Variants in SNRPN observed in about 807,000 individuals in gnomAD.
The protein encoded by SNRPN is small nuclear ribonucleoprotein-associated protein N.
A neutral mutation model predicts 25.2 loss-of-function variants in SNRPN; 7 were observed. The ratio of observed to expected loss-of-function variants is 0.28; its 90% CI spans 0.16 to 0.52. SNRPN has a LOEUF of 0.52. Among genes scored for constraint, SNRPN ranks in the 20% least tolerant of loss-of-function variants. The pLI, the probability that SNRPN is intolerant of heterozygous loss-of-function variation, is 0.96. For missense variants in SNRPN, 196 were observed against 322.5 expected (o/e 0.61, Z 3.00); for synonymous variants, 124 against 110.6 (o/e 1.12, Z -0.76).
At chr15:24,864,119 C>T (rs1379092459) in intron 1 of SNRPN, among the ~76,000 whole-genome samples, 8 of 148,630 alleles carry the variant, frequency 5.4e-5, no homozygotes, top group Admixed American at 4.0e-4. Context: ...CTCCGCCTCC[C>T]GGGTTCACAC....
chr15:24,917,466 C>T (rs561806516), intron 2 of SNRPN, among the ~76,000 whole-genome samples: 12 of 152,294 alleles, frequency 7.9e-5, no homozygotes, highest in Admixed American at 5.9e-4. Context: ...GGAAGAAAAA[C>T]CAAGATTACT....
intron 1 of SNRPN, among the ~76,000 whole-genome samples, chr15:24,859,628 A>G (rs2053799351): frequency 6.6e-6 from 1 of 152,180 alleles, no homozygotes; most frequent in Non-Finnish European, 1.5e-5. Context: ...CCAGACCCCA[A>G]GAGAGGGTTG....
At chr15:24,976,619 C>T (rs1301872717) in intron 6 of SNRPN, among the ~76,000 whole-genome samples, 2 of 152,114 alleles carry the variant, frequency 1.3e-5, no homozygotes, top group Non-Finnish European at 2.9e-5. Context: ...CTGGGCATTA[C>T]CTAGGTAAGG....
intron 1 of SNRPN, among the ~76,000 whole-genome samples, chr15:24,873,538 C>T (rs1012837932): frequency 2.0e-5 from 3 of 150,482 alleles, no homozygotes; most frequent in South Asian, 2.1e-4. Context: ...AGCTCCGCCT[C>T]CCCGGTTCAC....
upstream of SNRPN, chr15:24,851,863 T>G (rs953585899): frequency 6.6e-6 from 1 of 152,112 alleles, no homozygotes; most frequent in African/African-American, 2.4e-5. Flanking sequence ...CATGTCCCTT[T>G]CTCCATCACT....
At chr15:24,922,932 C>T (rs561646713) in intron 3 of SNRPN, among the ~76,000 whole-genome samples, 21 of 103,838 alleles carry the variant, frequency 2.0e-4, no homozygotes, top group African/African-American at 6.9e-4. Flanking sequence ...GACAGAGTCT[C>T]GCTCTATTGC....
In SNRPN at chr15:24,977,021, T is replaced by A; in HGVS notation, c.412T>A (p.Ser138Thr). 2 of 1,569,912 alleles carry A rather than the reference T, an allele frequency of 1.3e-6. No homozygotes were observed. Among genetic ancestry groups the A allele is most frequent in the Non-Finnish European group, 1.7e-6 (2 of 1,161,256 alleles). Residue 138 changes from serine to threonine, a missense_variant, in exon 7 of 10, where the codon TCC (serine) becomes ACC (threonine). Transcript: ENST00000390687. ...AGPVRGVGGP[S>T]QQVMTPQGRG... is the part of the protein sequence containing the mutation. The stretch of plus-strand genomic sequence containing the variant: ...CCCTGTCCGAGGAGTTGGGGGACCA[T>A]CCCAGCAGGTGAGGAACCAGCAGAG...
At position 24,908,969 on chromosome 15, in the gene SNRPN, G is replaced by A. The variant is rs536491901; in HGVS notation, c.-504-11042G>A. ...CTGCTTCTGAGCTCTGAGGAAGCTT[G>A]CATTCTTTTGAGCTACCCAATCCTT... On this transcript the variant is annotated intron_variant, in intron 2 of 11. Transcript: ENST00000400097. 273 of 1,376,244 alleles carry A rather than the reference G, an allele frequency of 2.0e-4. 1 individual carries two copies. The African/African-American group carries it at 3.6e-3, about 18-fold the overall frequency. The allele number at this position is 1,376,244 out of a possible 1,614,324, so 85.3% of individuals were successfully genotyped here.
At chr15:24,963,469 A>G (rs1011109111) in intron 2 of SNRPN, among the ~76,000 whole-genome samples, 25 of 151,532 alleles carry the variant, frequency 1.6e-4, no homozygotes, top group African/African-American at 5.8e-4. Context: ...ACAAAAATTA[A>G]CCGAGTGTGG....
chr15:24,895,334 C>G (rs4906934), intron 2 of SNRPN, among the ~76,000 whole-genome samples: 83,117 of 151,440 alleles, frequency 0.55, 23,922 homozygotes, highest in African/African-American at 0.73. Context: ...ATTATGCCAA[C>G]TTTCCATATT....
At chr15:24,905,229 G>A (rs1485571775) in intron 2 of SNRPN, among the ~76,000 whole-genome samples, 1 of 152,046 alleles carries the variant, frequency 6.6e-6, no homozygotes, top group African/African-American at 2.4e-5. Flanking sequence ...TAACAGGGAG[G>A]ACCGGGTGCG....
At chr15:24,900,591 A>G (rs867209833) in intron 2 of SNRPN, among the ~76,000 whole-genome samples, 1 of 152,156 alleles carries the variant, frequency 6.6e-6, no homozygotes, top group Non-Finnish European at 1.5e-5. Flanking sequence ...GCATGACTAG[A>G]CCCCATAACT....
At chr15:24,847,393 C>T (rs2052302736) in intron 2 of SNRPN, among the ~76,000 whole-genome samples, 1 of 152,206 alleles carries the variant, frequency 6.6e-6, no homozygotes, top group South Asian at 2.1e-4. Context: ...GTAATCCCAA[C>T]ACACTGGGAG....
At chr15:24,893,688 T>C (rs1222965424) in intron 2 of SNRPN, among the ~76,000 whole-genome samples, 1 of 128,934 alleles carries the variant, frequency 7.8e-6, no homozygotes, top group Non-Finnish European at 1.6e-5. Context: ...TTCCTGATAG[T>C]ACATTCCCAT....
At chr15:24,835,650 A>C (rs1326154214) in intron 2 of SNRPN, among the ~76,000 whole-genome samples, 2 of 151,978 alleles carry the variant, frequency 1.3e-5, no homozygotes, top group African/African-American at 4.8e-5. Context: ...TTGTTTGGTA[A>C]TTATTGGGTC....
chr15:24,830,248 A>G (rs956063130), intron 2 of SNRPN, among the ~76,000 whole-genome samples: 1 of 151,952 alleles, frequency 6.6e-6, no homozygotes, highest in Non-Finnish European at 1.5e-5. Context: ...CTTGCTTTAC[A>G]GGCCTTTGGT....
intron 1 of SNRPN, among the ~76,000 whole-genome samples, chr15:24,879,222 C>G (rs550932506): frequency 2.0e-5 from 3 of 151,992 alleles, no homozygotes; most frequent in Non-Finnish European, 4.4e-5. Flanking sequence ...ATTGCCTGAG[C>G]TCGGGGGTTC....
chr15:24,887,631 A>C (rs1377649880), intron 2 of SNRPN, among the ~76,000 whole-genome samples: 1 of 152,174 alleles, frequency 6.6e-6, no homozygotes, highest in East Asian at 1.9e-4. Context: ...ATTTGTATAC[A>C]TTGGAGATTC....
rs191094060 is a variant in SNRPN, at chr15:24,940,157, C to T, written c.-391+20033C>T. Among the ~76,000 whole-genome samples, 43 of 152,268 alleles carry T rather than the reference C, an allele frequency of 2.8e-4. No homozygotes were observed. In the East Asian group the frequency reaches 5.8e-3, roughly 21 times the overall value. ...TATATGATTTGCAAATATTTTCTCC[C>T]ATTCTGTGTGTTGCCTTTTCACTCT... On this transcript the variant is annotated intron_variant, in intron 3 of 11. Coordinates refer to the SNRPN transcript ENST00000400097.
Sources: allele counts gnomAD v4.1 joint callset (sites outside exome capture counted in the v4.1 genomes callset), GRCh38; gene constraint gnomAD v4.1.1; transcripts MANE v1.5; gene names NCBI Gene and HGNC (gene_info 2026-07-23, HGNC 2026-07-21).